Variants in SOX6 observed in about 807,000 individuals in gnomAD.
SOX6 encodes SRY-box transcription factor 6.
In SOX6, 11 loss-of-function variants were observed where a neutral mutation model predicts 97.8. The observed-to-expected ratio is 0.11, with a 90% CI of 0.07 to 0.19. SOX6 has a LOEUF of 0.19. Ranked by LOEUF, SOX6 falls within the 10% of genes least tolerant of loss-of-function variation. SOX6 has a pLI of 1.00. For synonymous variants in SOX6, 360 were observed against 371.4 expected (o/e 0.97, Z 0.35); for missense variants, 810 against 1,039.5 (o/e 0.78, Z 3.04).
At chr11:16,145,050 A>C (rs1850253820) in intron 6 of SOX6, among the ~76,000 whole-genome samples, 1 of 152,186 alleles carries the variant, frequency 6.6e-6, no homozygotes, top group African/African-American at 2.4e-5. Flanking sequence ...ACAACAAAAA[A>C]AGAGAATTTT....
chr11:16,439,177 A>G lies in SOX6; in HGVS notation c.-5+37138T>C, dbSNP rs918378201. Among the ~76,000 whole-genome samples the G allele has an allele frequency of 5.9e-5, 9 of 152,220 alleles. No individual in the cohort carries two copies. The South Asian group carries it at 1.2e-3, about 21-fold the overall frequency. On this transcript the variant is annotated intron_variant, in intron 1 of 15. Transcript: ENST00000396356. ...ATGGGCAATATTAATGCTATTTATC[A>G]GAATAATTATGCTACTATTCACATT... is the stretch of plus-strand genomic sequence containing the variant.
chr11:16,109,515 C>A (rs1322608211), intron 7 of SOX6, among the ~76,000 whole-genome samples: 1 of 151,986 alleles, frequency 6.6e-6, no homozygotes, highest in South Asian at 2.1e-4. Flanking sequence ...ACATACATTT[C>A]AAGTGAAGTT....
intron 13 of SOX6, among the ~76,000 whole-genome samples, chr11:16,014,149 T>C (rs1002630720): frequency 3.3e-5 from 5 of 152,052 alleles, no homozygotes; most frequent in Non-Finnish European, 5.9e-5. Context: ...GCAACATTAC[T>C]ACTGAAGTGC....
intron 3 of SOX6, chr11:16,316,481 A>G (rs972025978): frequency 1.3e-5 from 2 of 152,090 alleles, no homozygotes; most frequent in African/African-American, 2.4e-5. Context: ...ATTCATTACT[A>G]GTAGAAATAC....
intron 2 of SOX6, among the ~76,000 whole-genome samples, chr11:16,721,257 T>C (rs1819850606): frequency 6.6e-6 from 1 of 152,192 alleles, no homozygotes; most frequent in Non-Finnish European, 1.5e-5. Context: ...TGGTTAAAAA[T>C]GGATTTGGCA....
At chr11:16,352,300 A>ATGG (rs1436092701) in intron 1 of SOX6, among the ~76,000 whole-genome samples, 6 of 151,408 alleles carry the variant, frequency 4.0e-5, no homozygotes, top group Admixed American at 1.3e-4. Flanking sequence ...GGATGGATGG[A>ATGG]AGGATGGATG....
At chr11:16,273,369 G>C (rs1363824817) in intron 3 of SOX6, among the ~76,000 whole-genome samples, 1 of 151,924 alleles carries the variant, frequency 6.6e-6, no homozygotes, top group East Asian at 1.9e-4. Flanking sequence ...TATAGGGAAA[G>C]TGAACCACAG....
chr11:16,738,459 A>T (rs889160247), exon 1 of SOX6: 8 of 434,734 alleles, frequency 1.8e-5, no homozygotes, highest in African/African-American at 1.6e-4. Context: ...TTCCTCCACC[A>T]GCCGAAGGCG....
intron 4 of SOX6, among the ~76,000 whole-genome samples, chr11:16,230,489 A>G (rs1355088124): frequency 6.6e-6 from 1 of 151,802 alleles, no homozygotes; most frequent in Non-Finnish European, 1.5e-5. Context: ...AATGAAAAAT[A>G]TCTCATTCAC....
chr11:16,464,530 T>C (rs954207393), intron 1 of SOX6, among the ~76,000 whole-genome samples: 1 of 151,774 alleles, frequency 6.6e-6, no homozygotes, highest in African/African-American at 2.4e-5. Context: ...AGAATATTCA[T>C]TACACTGTAA....
rs1855227684 is a variant in SOX6 at position 16,300,576 on chromosome 11, A to C, written c.445+17870T>G. On this transcript the variant is annotated intron_variant, in intron 3 of 15. Transcript: ENST00000683767. The surrounding 1 kb of genome is among the most constrained non-coding windows in gnomAD (Gnocchi z 4.1). ...CTATTCAGTCTAATGCAATCCTCTC[A>C]GTGCTGGAAAGACATTTTCATTCAT... 2.0e-5 allele frequency among the ~76,000 whole-genome samples: 3 copies of C among 152,168 alleles called. No individual in the cohort carries two copies. Among genetic ancestry groups the C allele is most frequent in the Non-Finnish European group, 4.4e-5 (3 of 68,032 alleles).
intron 3 of SOX6, among the ~76,000 whole-genome samples, chr11:16,694,236 G>T (rs1848036287): frequency 6.6e-6 from 1 of 152,104 alleles, no homozygotes; most frequent in Non-Finnish European, 1.5e-5. Flanking sequence ...TAAAAGTAAG[G>T]TACTTCTGGA....
chr11:16,202,267 G>A (rs915445314), intron 4 of SOX6, among the ~76,000 whole-genome samples: 34 of 152,138 alleles, frequency 2.2e-4, no homozygotes, highest in African/African-American at 8.2e-4. Flanking sequence ...AGATTCTAAG[G>A]CCATGTTATT....
intron 3 of SOX6, among the ~76,000 whole-genome samples, chr11:16,674,312 C>A (rs1847869945): frequency 6.6e-6 from 1 of 151,650 alleles, no homozygotes; most frequent in African/African-American, 2.4e-5. Context: ...ATGATTATTT[C>A]AAGTAATGCC....
At chr11:16,334,531 G>A (rs557357407) in intron 2 of SOX6, among the ~76,000 whole-genome samples, 4 of 151,946 alleles carry the variant, frequency 2.6e-5, no homozygotes, top group South Asian at 4.2e-4. Flanking sequence ...AGGTTCAAGC[G>A]ATTCTCCTGC....
chr11:16,211,363 A>C (rs1428676279), intron 4 of SOX6, among the ~76,000 whole-genome samples: 1 of 152,216 alleles, frequency 6.6e-6, no homozygotes, highest in Non-Finnish European at 1.5e-5. Context: ...TTAAGCTAGG[A>C]GGCTTTTACA....
At chr11:16,524,150 C>T (rs1291094653) in intron 4 of SOX6, among the ~76,000 whole-genome samples, 1 of 152,162 alleles carries the variant, frequency 6.6e-6, no homozygotes, top group South Asian at 2.1e-4. Context: ...CATCCTGATA[C>T]CAAAGTCGGG....
intron 3 of SOX6, among the ~76,000 whole-genome samples, chr11:16,630,909 A>G (rs565565649): frequency 6.6e-6 from 1 of 152,098 alleles, no homozygotes; most frequent in East Asian, 1.9e-4. Flanking sequence ...AGTGATCCCT[A>G]TTCTTTATTG....
At chr11:16,596,863 C>T (rs956060102) in intron 4 of SOX6, among the ~76,000 whole-genome samples, 1 of 152,098 alleles carries the variant, frequency 6.6e-6, no homozygotes, top group Non-Finnish European at 1.5e-5. Context: ...ATGTTTAATG[C>T]TTCTGATCAG....
Sources: allele counts gnomAD v4.1 joint callset (sites outside exome capture counted in the v4.1 genomes callset), GRCh38; gene constraint gnomAD v4.1.1; non-coding constraint Gnocchi (gnomAD v3.1); transcripts MANE v1.5; gene names NCBI Gene and HGNC (gene_info 2026-07-23, HGNC 2026-07-21).